The following AUTS2 variants were observed in gnomAD, a reference collection of about 807,000 sequenced individuals.
AUTS2 encodes autism susceptibility gene 2 protein.
AUTS2 carries 17 observed loss-of-function variants against 112.4 expected under a neutral mutation model. That is an observed-to-expected ratio of 0.15 (90% CI 0.10 to 0.23). AUTS2 has a LOEUF of 0.23. Among genes scored for constraint, AUTS2 ranks in the 10% least tolerant of loss-of-function variants. The probability of loss-of-function intolerance (pLI) is 1.00; values close to 1 mark genes in which losing one functional copy is unlikely to be tolerated. For missense variants in AUTS2, 1,510 were observed against 1,701.6 expected, an observed-to-expected ratio of 0.89 and a Z score of 1.98; for synonymous variants, 751 against 702.7, an observed-to-expected ratio of 1.07 and a Z score of -1.09.
intron 4 of AUTS2, among the ~76,000 whole-genome samples, chr7:70,260,244 T>C (rs989952232): frequency 1.8e-4 from 28 of 152,062 alleles, no homozygotes; most frequent in African/African-American, 6.5e-4. Flanking sequence ...TGCGCACCTG[T>C]GGTCCCAGCT....
chr7:69,997,306 A>G (rs924182991), intron 2 of AUTS2, among the ~76,000 whole-genome samples: 1 of 152,160 alleles, frequency 6.6e-6, no homozygotes, highest in African/African-American at 2.4e-5. Context: ...TAGTATTAAC[A>G]TCTACTTGGG....
intron 4 of AUTS2, among the ~76,000 whole-genome samples, chr7:70,403,268 C>G (rs1394608391): frequency 1.3e-5 from 2 of 152,240 alleles, no homozygotes; most frequent in African/African-American, 4.8e-5. Flanking sequence ...GAATAGCACA[C>G]TGCAACTTCT....
intron 2 of AUTS2, among the ~76,000 whole-genome samples, chr7:70,029,791 A>G (rs1446226339): frequency 6.6e-6 from 1 of 152,216 alleles, no homozygotes; most frequent in African/African-American, 2.4e-5. Context: ...TTTGCTGGTC[A>G]TATTATCTGT....
At chr7:70,263,328 T>C (rs1331997189) in intron 4 of AUTS2, among the ~76,000 whole-genome samples, 1 of 152,208 alleles carries the variant, frequency 6.6e-6, no homozygotes, top group Non-Finnish European at 1.5e-5. Context: ...ATATTTATAT[T>C]ACATAAATGG....
intron 5 of AUTS2, among the ~76,000 whole-genome samples, chr7:70,651,979 G>C (rs1389239687): frequency 6.6e-6 from 1 of 152,186 alleles, no homozygotes; most frequent in Non-Finnish European, 1.5e-5. Flanking sequence ...CTATGTGTCT[G>C]TAAGCAGTGA....
intron 1 of AUTS2, among the ~76,000 whole-genome samples, chr7:69,764,848 A>T (rs1357380569): frequency 6.6e-6 from 1 of 152,168 alleles, no homozygotes; most frequent in Non-Finnish European, 1.5e-5. Context: ...CTTGCATGCA[A>T]ACTTGCTCAG....
At chr7:70,581,257 A>C (rs1253505040) in intron 5 of AUTS2, among the ~76,000 whole-genome samples, 1 of 152,134 alleles carries the variant, frequency 6.6e-6, no homozygotes, top group African/African-American at 2.4e-5. Context: ...ATGGTGGCTC[A>C]TGCCTGTAAT....
intron 1 of AUTS2, among the ~76,000 whole-genome samples, chr7:69,786,944 T>A (rs62457240): frequency 0.36 from 54,062 of 152,140 alleles, 11,120 homozygotes; most frequent in Non-Finnish European, 0.46. Context: ...AATTTTTATG[T>A]GTCATGCTCT....
chr7:70,491,517 T>C (rs13310658), intron 5 of AUTS2, among the ~76,000 whole-genome samples: 2 of 137,736 alleles, frequency 1.5e-5, no homozygotes, highest in East Asian at 2.0e-4. Context: ...GTTATATATA[T>C]ACACACAATA....
At chr7:70,412,889 G>T (rs974606567) in intron 4 of AUTS2, among the ~76,000 whole-genome samples, 1 of 152,226 alleles carries the variant, frequency 6.6e-6, no homozygotes, top group Non-Finnish European at 1.5e-5. Context: ...TATTCGGGAG[G>T]CTGAGGCGGG....
chr7:70,494,362 T>A (rs1053919782), intron 5 of AUTS2, among the ~76,000 whole-genome samples: 2 of 152,196 alleles, frequency 1.3e-5, no homozygotes, highest in African/African-American at 4.8e-5. Flanking sequence ...TATCACTCTT[T>A]ATCTTGAAAA....
chr7:70,711,078 A>G (rs1484344084), intron 6 of AUTS2, among the ~76,000 whole-genome samples: 1 of 152,124 alleles, frequency 6.6e-6, no homozygotes, highest in Admixed American at 6.5e-5. Flanking sequence ...CTGTTATTTG[A>G]CCACATGACC....
chr7:69,709,817 C>G (rs1382055622), intron 1 of AUTS2, among the ~76,000 whole-genome samples: 1 of 152,130 alleles, frequency 6.6e-6, no homozygotes, highest in Non-Finnish European at 1.5e-5. Flanking sequence ...CTCCCTGTTT[C>G]TCAGATAACT....
intron 2 of AUTS2, among the ~76,000 whole-genome samples, 163 bp from the exon 3 acceptor site, chr7:70,117,969 C>G (rs910236851): frequency 3.3e-5 from 5 of 152,044 alleles, no homozygotes; most frequent in Non-Finnish European, 5.9e-5. Flanking sequence ...AGGCTGGTCT[C>G]AAACTCCTAA....
chr7:69,873,837 C>G (rs1350507053), intron 1 of AUTS2, among the ~76,000 whole-genome samples: 1 of 152,204 alleles, frequency 6.6e-6, no homozygotes, highest in Non-Finnish European at 1.5e-5. Context: ...GGAATAGATA[C>G]ATCTTTGAGG....
At chr7:69,602,713 G>A (rs1209286877) in intron 1 of AUTS2, among the ~76,000 whole-genome samples, 1 of 152,156 alleles carries the variant, frequency 6.6e-6, no homozygotes, top group Non-Finnish European at 1.5e-5. Context: ...TATCCTGTCA[G>A]TGTTTACATT....
chr7:70,379,691 A>G (rs1355540785), intron 4 of AUTS2, among the ~76,000 whole-genome samples: 1 of 152,112 alleles, frequency 6.6e-6, no homozygotes, highest in Admixed American at 6.5e-5. Context: ...GAAATATTCA[A>G]ATACAGGCTA....
intron 6 of AUTS2, among the ~76,000 whole-genome samples, chr7:70,733,752 A>G (rs975825336): frequency 1.3e-5 from 2 of 151,622 alleles, no homozygotes; most frequent in Non-Finnish European, 2.9e-5. Context: ...ACACCCTGAT[A>G]ATTTTTGCAT....
intron 1 of AUTS2, among the ~76,000 whole-genome samples, chr7:69,854,293 G>A (rs192262178): frequency 6.6e-6 from 1 of 152,208 alleles, no homozygotes; most frequent in East Asian, 1.9e-4. Flanking sequence ...GATTTGCTAA[G>A]GTCACTTAGC....
Sources: allele counts gnomAD v4.1 joint callset (sites outside exome capture counted in the v4.1 genomes callset), GRCh38; gene constraint gnomAD v4.1.1; transcripts MANE v1.5; gene names NCBI Gene and HGNC (gene_info 2026-07-23, HGNC 2026-07-21).